The following NKD2 variants were observed in gnomAD, a reference collection of about 807,000 sequenced individuals.
NKD2 encodes the protein NKD inhibitor of Wnt signaling pathway 2, also known as protein naked cuticle homolog 2.
A neutral mutation model predicts 34.8 loss-of-function variants in NKD2; 43 were observed. The ratio of observed to expected loss-of-function variants is 1.24; its 90% CI spans 0.97 to 1.60. The LOEUF is 1.60. NKD2 is among the 40% of genes most tolerant of loss of function. The pLI is 0.00. For synonymous variants in NKD2, 278 were observed against 265.1 expected, an observed-to-expected ratio of 1.05 and a Z score of -0.47; for missense variants, 675 against 627.1, an observed-to-expected ratio of 1.08 and a Z score of -0.82.
chr5:1,035,757 C>T (rs1389613034), intron 8 of NKD2: 1 of 484,876 alleles, frequency 2.1e-6, no homozygotes, highest in African/African-American at 2.0e-5. Flanking sequence ...CTGTGGCTCC[C>T]TGTGGCTCCA....
chr5:1,037,577 C>G (rs1369986513), intron 9 of NKD2: 43 of 1,535,778 alleles, frequency 2.8e-5, no homozygotes, highest in Non-Finnish European at 3.6e-5. Flanking sequence ...GGGGACAAGG[C>G]TAGAGGAGTC....
Position 1,008,827 on chromosome 5 carries a change from C to T in NKD2, c.-231C>T. ...AGAGGGAGCCGGGCCGCCGTCGCTG[C>T]CGCCGCTGTCCCCGCGCCCTGCGCC... On this transcript the variant is annotated 5_prime_UTR_variant, in exon 1 of 10. Coordinates refer to ENST00000296849, the MANE Select transcript of NKD2 (RefSeq NM_033120.4). 1 of 273,338 alleles carries T rather than the reference C, an allele frequency of 3.7e-6. No individual in the cohort carries two copies. Among genetic ancestry groups the T allele is most frequent in the Admixed American group, 5.3e-5 (1 of 18,730 alleles). 16.9% of individuals were successfully genotyped at this position (273,338 alleles called of 1,614,324 possible).
chr5:1,027,555 C>T (rs1003850027), intron 3 of NKD2, among the ~76,000 whole-genome samples: 20 of 152,216 alleles, frequency 1.3e-4, no homozygotes, highest in African/African-American at 4.8e-4. Context: ...CGTGGGGAGA[C>T]GTTGGGCTCC....
Position 1,034,870 on chromosome 5 carries a change from A to G in NKD2, c.541A>G (p.Ser181Gly). The G allele has an allele frequency of 6.2e-7, 1 of 1,612,310 alleles. No individual in the cohort carries two copies. The highest frequency in any genetic ancestry group is 8.5e-7 in the Non-Finnish European group (1 of 1,179,702). ...GCTAACCGTCAGCCCTGAGCCCTCC[A>G]GCAAGAGGAAGGAGGGTCCTCCTGC... ...VKLTVSPEPS[S>G]KRKEGPPAGQ... Residue 181 changes from serine (S) to glycine (G), a missense_variant, in exon 7 of 10, where the codon AGC becomes GGC. Coordinates refer to ENST00000296849, the MANE Select transcript of NKD2 (RefSeq NM_033120.4).
rs186635803 is a variant in NKD2, at chr5:1,032,772, G to A, written c.202+560G>A. Among the ~76,000 whole-genome samples the A allele has an allele frequency of 2.0e-3, 306 of 152,366 alleles. 4 individuals carry two copies. Among genetic ancestry groups the A allele is most frequent in the African/African-American group, 6.9e-3 (288 of 41,578 alleles). On this transcript the variant is annotated intron_variant, in intron 4 of 9. Transcript: ENST00000296849. ...AGTGGGAAGGCAGGCCCAGAGCATCGTCCCAGCTCAGGCTCGACGTGCACC... is the reference window on the plus strand; with the variant it reads ...AGTGGGAAGGCAGGCCCAGAGCATCATCCCAGCTCAGGCTCGACGTGCACC...
chr5:1,013,861 C>A (rs550359060), intron 3 of NKD2, among the ~76,000 whole-genome samples: 1 of 152,188 alleles, frequency 6.6e-6, no homozygotes, highest in South Asian at 2.1e-4. Context: ...TTCTCAGTGT[C>A]GGCCCCTGTG....
chr5:1,010,057 G>T (rs1251437731), intron 3 of NKD2, among the ~76,000 whole-genome samples: 2 of 152,200 alleles, frequency 1.3e-5, no homozygotes, highest in Non-Finnish European at 2.9e-5. Context: ...TCTGGGAGGG[G>T]TGACCACAGG....
intron 6 of NKD2, 75 bp downstream of exon 6, chr5:1,034,405 T>G: frequency 8.1e-7 from 1 of 1,237,444 alleles, no homozygotes; most frequent in Non-Finnish European, 1.2e-6. Flanking sequence ...GGCCTCGCGA[T>G]ACCTCAGGGG....
intron 8 of NKD2, chr5:1,035,798 G>A: frequency 2.4e-6 from 1 of 422,676 alleles, no homozygotes; most frequent in East Asian, 4.0e-5. Flanking sequence ...CAGGGCTGGG[G>A]GTGGCTGGGG....
At chr5:1,034,172 T>C in intron 5 of NKD2, 63 bp from the exon 6 acceptor site, 2 of 1,183,766 alleles carry the variant, frequency 1.7e-6, no homozygotes, top group Non-Finnish European at 2.5e-6. Context: ...TCCTTCCCCC[T>C]GTGGAGTTGG....
Position 1,008,950 on chromosome 5 carries a change from G to C in NKD2, c.-108G>C, listed in dbSNP as rs1430718524. Reference sequence around the variant, plus strand: ...AGCCATCTTCCCTCACCTCCTACCGGCACCCTAGCTTGCTCCCGGCCCATG... The same window carrying C: ...AGCCATCTTCCCTCACCTCCTACCGCCACCCTAGCTTGCTCCCGGCCCATG... On this transcript the variant is annotated 5_prime_UTR_variant, in exon 1 of 10. Coordinates refer to ENST00000296849, the MANE Select transcript of NKD2 (RefSeq NM_033120.4). 1 of 398,760 alleles carries C rather than the reference G, an allele frequency of 2.5e-6. No homozygotes were observed. Among genetic ancestry groups the C allele is most frequent in the Non-Finnish European group, 4.4e-6 (1 of 226,938 alleles). The allele number at this position is 398,760 out of a possible 1,614,324, so 24.7% of individuals were successfully genotyped here.
rs1755675171 is a variant in NKD2 at position 1,009,693 on chromosome 5, G to GGCCAGGAGA, written c.141+139_141+147dup. On this transcript the variant is annotated intron_variant, in intron 3 of 9. Transcript: ENST00000296849. The surrounding 1 kb of genome is among the most constrained non-coding windows in gnomAD (Gnocchi z 6.9). ...CGCCATGGCCGCACGAGTGACCGGG[G>GGCCAGGAGA]GCCAGGAGAGCCAGTCTCTCCCCAG... The GGCCAGGAGA allele has an allele frequency of 8.6e-6, 6 of 695,932 alleles. No homozygotes were observed. The highest frequency in any genetic ancestry group is 1.9e-5 in the African/African-American group (1 of 52,162). 43.1% of individuals were successfully genotyped at this position (695,932 alleles called of 1,614,324 possible).
chr5:1,009,598 C>T lies in NKD2; in HGVS notation c.141+38C>T, dbSNP rs1409059599. The T allele has an allele frequency of 2.0e-5, 28 of 1,395,174 alleles. No homozygotes were observed. The highest frequency in any genetic ancestry group is 3.5e-5 in the Admixed American group (1 of 28,630). 86.4% of individuals were successfully genotyped at this position (1,395,174 alleles called of 1,614,324 possible). On this transcript the variant is annotated intron_variant, in intron 3 of 9. Coordinates refer to ENST00000296849, the MANE Select transcript of NKD2 (RefSeq NM_033120.4). The surrounding 1 kb of genome is among the most constrained non-coding windows in gnomAD (Gnocchi z 6.9). The stretch of plus-strand genomic sequence containing the variant: ...GCGGAGGCTGGGGTCGCGCTGCGCA[C>T]CCGCCCGGGGGCGGGGAGCGGTGTC...
intron 8 of NKD2, 71 bp from the exon 9 acceptor site, chr5:1,036,186 A>G: frequency 6.9e-7 from 1 of 1,441,064 alleles, no homozygotes; most frequent in Non-Finnish European, 9.2e-7. Flanking sequence ...CGCCTGCTGT[A>G]GGCACCCCGT....
chr5:1,029,753 G>A (rs10040713), intron 3 of NKD2, among the ~76,000 whole-genome samples: 7,521 of 152,216 alleles, frequency 0.049, 425 homozygotes, highest in East Asian at 0.14. Context: ...AGGAGCCACC[G>A]CACCTCCGGC....
chr5:1,012,661 G>T (rs764303566), intron 3 of NKD2, among the ~76,000 whole-genome samples: 8 of 152,252 alleles, frequency 5.3e-5, no homozygotes, highest in Non-Finnish European at 8.8e-5. Flanking sequence ...CGGGAACTGG[G>T]CTCAGCCCCA....
rs759080545 is a variant in NKD2 at position 1,036,401 on chromosome 5, A to G, written c.787+17A>G. The G allele has an allele frequency of 1.2e-6, 2 of 1,606,274 alleles. No individual in the cohort carries two copies. Among genetic ancestry groups the G allele is most frequent in the Non-Finnish European group, 8.5e-7 (1 of 1,176,086 alleles). ...TCGGCCCTGGTAGGTCCTGGAGGCC[A>G]CCCTGGGCGTGAGGCCCTGGCTGTG... On this transcript the variant is annotated intron_variant, in intron 9 of 9. Coordinates refer to ENST00000296849, the MANE Select transcript of NKD2 (RefSeq NM_033120.4).
chr5:1,030,361 C>T (rs1756596313), intron 3 of NKD2, among the ~76,000 whole-genome samples: 1 of 152,162 alleles, frequency 6.6e-6, no homozygotes, highest in South Asian at 2.1e-4. Flanking sequence ...CTTATGACAC[C>T]ATTTCTGTCG....
intron 5 of NKD2, 41 bp downstream of exon 5, chr5:1,033,540 G>C (rs1560997448): frequency 1.3e-6 from 2 of 1,522,484 alleles, no homozygotes; most frequent in African/African-American, 2.8e-5. Context: ...ACACGTCCCT[G>C]GGGCCGGGGG....
Sources: gnomAD v4.1 joint callset for allele counts (sites outside exome capture counted in the v4.1 genomes callset) on GRCh38, gnomAD v4.1.1 for gene constraint, Gnocchi (gnomAD v3.1) non-coding constraint, MANE v1.5 for transcripts, NCBI Gene and HGNC (gene_info 2026-07-23, HGNC 2026-07-21) for gene names.